The following NALCN variants were observed in gnomAD, a reference collection of about 807,000 sequenced individuals.
NALCN encodes sodium leak channel NALCN.
A neutral mutation model predicts 225.3 loss-of-function variants in NALCN; 111 were observed. The observed-to-expected ratio is 0.49, with a 90% CI of 0.42 to 0.58. The LOEUF (loss-of-function observed/expected upper bound fraction) is 0.58, where lower values mean the gene tolerates loss of function less well. NALCN is among the 20% of genes least tolerant of loss of function. The pLI is 0.00. For synonymous variants in NALCN, 764 were observed against 769.0 expected, an observed-to-expected ratio of 0.99 and a Z score of 0.11; for missense variants, 1,378 against 2,202.4, an observed-to-expected ratio of 0.63 and a Z score of 7.49.
At chr13:101,212,467 C>T (rs2040560891) in intron 13 of NALCN, among the ~76,000 whole-genome samples, 1 of 152,196 alleles carries the variant, frequency 6.6e-6, no homozygotes, top group Admixed American at 6.5e-5. Context: ...TTCAGTCCTT[C>T]CTTGGGTTCT....
chr13:101,337,319 TA>T (rs1160074008), intron 7 of NALCN, among the ~76,000 whole-genome samples: 2 of 149,558 alleles, frequency 1.3e-5, no homozygotes, highest in African/African-American at 5.1e-5. Context: ...TTTATTTATT[TA>T]TTTTTTGAGA....
At chr13:101,287,831 C>A (rs1203327398) in intron 9 of NALCN, among the ~76,000 whole-genome samples, 1 of 152,116 alleles carries the variant, frequency 6.6e-6, no homozygotes, top group East Asian at 1.9e-4. Flanking sequence ...CCATTATAGG[C>A]ATAATATCAT....
intron 34 of NALCN, among the ~76,000 whole-genome samples, chr13:101,080,623 T>TA (rs200547464): frequency 0.34 from 48,984 of 143,332 alleles, 9,103 homozygotes; most frequent in East Asian, 0.56. Context: ...TCAATTAAAT[T>TA]AATTATTTAA....
At chr13:101,062,191 C>A in intron 40 of NALCN, 73 bp from the exon 41 acceptor site, 1 of 1,523,268 alleles carries the variant, frequency 6.6e-7, no homozygotes, top group Admixed American at 1.9e-5. Context: ...ACGTCAAAAT[C>A]CAGAGAGGAC....
intron 7 of NALCN, among the ~76,000 whole-genome samples, chr13:101,328,900 C>CT (rs1207332381): frequency 6.6e-6 from 1 of 152,170 alleles, no homozygotes; most frequent in Non-Finnish European, 1.5e-5. Flanking sequence ...ACAGAATACT[C>CT]ACTATTGTAG....
At chr13:101,261,704 C>A (rs1178371796) in intron 10 of NALCN, among the ~76,000 whole-genome samples, 1 of 152,162 alleles carries the variant, frequency 6.6e-6, no homozygotes, top group Non-Finnish European at 1.5e-5. Context: ...TTGTATCCTG[C>A]AACATTACTA....
rs146713093 is a variant in NALCN at position 101,240,050 on chromosome 13, T to C, written c.1267-2128A>G. 6.4e-3 allele frequency among the ~76,000 whole-genome samples: 967 copies of C among 152,234 alleles called. 10 individuals carry two copies. The highest frequency in any genetic ancestry group is 0.022 in the African/African-American group (904 of 41,574). ...TTATGCGTTTTGGGAGTTGTTGGTA[T>C]TGAGGACAATAATCTTTGCTATATA... On this transcript the variant is annotated intron_variant, in intron 11 of 43. Coordinates refer to ENST00000251127, the MANE Select transcript of NALCN (RefSeq NM_052867.4).
intron 15 of NALCN, among the ~76,000 whole-genome samples, chr13:101,173,960 C>A (rs951112053): frequency 6.6e-6 from 1 of 151,940 alleles, no homozygotes; most frequent in Admixed American, 6.6e-5. Flanking sequence ...TAAAAATATG[C>A]AAATGAGCCC....
intron 12 of NALCN, among the ~76,000 whole-genome samples, chr13:101,229,953 G>A (rs988758802): frequency 6.6e-6 from 1 of 152,138 alleles, no homozygotes; most frequent in Non-Finnish European, 1.5e-5. Flanking sequence ...AAGTTTTTGA[G>A]TGCTGATATG....
At chr13:101,277,083 G>C (rs1395611131) in intron 10 of NALCN, among the ~76,000 whole-genome samples, 1 of 151,954 alleles carries the variant, frequency 6.6e-6, no homozygotes, top group East Asian at 1.9e-4. Flanking sequence ...GAGGGAGAAA[G>C]AGAGAATAAA....
At chr13:101,405,085 T>C (rs2047578129) in intron 1 of NALCN, among the ~76,000 whole-genome samples, 1 of 152,220 alleles carries the variant, frequency 6.6e-6, no homozygotes, top group African/African-American at 2.4e-5. Context: ...GCCACAGAAC[T>C]CAAAACAACA....
At chr13:101,398,539 A>C (rs1270444232) in intron 2 of NALCN, among the ~76,000 whole-genome samples, 1 of 152,198 alleles carries the variant, frequency 6.6e-6, no homozygotes, top group South Asian at 2.1e-4. Context: ...CAACTTAATT[A>C]GGCGGTGAAG....
chr13:101,286,743 A>G (rs2043351689), intron 9 of NALCN, among the ~76,000 whole-genome samples: 1 of 151,374 alleles, frequency 6.6e-6, no homozygotes, highest in Admixed American at 6.6e-5. Flanking sequence ...TTCTCATTCT[A>G]TAATTAAATA....
intron 13 of NALCN, among the ~76,000 whole-genome samples, chr13:101,201,224 G>A (rs2040108744): frequency 6.6e-6 from 1 of 152,166 alleles, no homozygotes; most frequent in South Asian, 2.1e-4. Flanking sequence ...CTTTTAAAGT[G>A]TACGATTAAG....
chr13:101,072,909 TC>T (rs1227014085), intron 37 of NALCN, among the ~76,000 whole-genome samples: 3 of 152,198 alleles, frequency 2.0e-5, no homozygotes, highest in Non-Finnish European at 4.4e-5. Context: ...AGTGCAGATT[TC>T]CATCACTGCA....
chr13:101,247,401 C>T (rs1393391881), intron 11 of NALCN, among the ~76,000 whole-genome samples: 4 of 151,986 alleles, frequency 2.6e-5, no homozygotes, highest in Non-Finnish European at 5.9e-5. Flanking sequence ...ATGGTAGGGT[C>T]CAGGGTCAAG....
intron 14 of NALCN, chr13:101,181,477 T>C (rs1341764241): frequency 2.6e-6 from 1 of 383,032 alleles, no homozygotes; most frequent in Non-Finnish European, 5.2e-6. Flanking sequence ...CTGGGCATGG[T>C]GACTCATGCG....
chr13:101,346,457 C>T lies in NALCN; in HGVS notation c.645-1037G>A, dbSNP rs142439181. ...GATGAAAATCATTTTCTTTGCAGTA[C>T]GAATACTACGAAACTCATCAATGAT... On this transcript the variant is annotated intron_variant, in intron 6 of 43. Transcript: ENST00000251127. Among the ~76,000 whole-genome samples the T allele has an allele frequency of 4.0e-3, 611 of 152,082 alleles. 3 individuals carry two copies. Among genetic ancestry groups the T allele is most frequent in the African/African-American group, 0.014 (579 of 41,502 alleles).
chr13:101,107,880 C>A, intron 20 of NALCN, 91 bp from the exon 21 acceptor site: 1 of 757,958 alleles, frequency 1.3e-6, no homozygotes, highest in Admixed American at 3.4e-5. Flanking sequence ...CTAATATCTC[C>A]CTCAATATAA....
Sources: gnomAD v4.1 joint callset for allele counts (sites outside exome capture counted in the v4.1 genomes callset) on GRCh38, gnomAD v4.1.1 for gene constraint, MANE v1.5 for transcripts, NCBI Gene and HGNC (gene_info 2026-07-23, HGNC 2026-07-21) for gene names.